The following METRN variants were observed in gnomAD, a reference collection of about 807,000 sequenced individuals.
METRN encodes meteorin.
METRN carries 17 observed loss-of-function variants against 17.4 expected under a neutral mutation model. That is an observed-to-expected ratio of 0.98 (90% CI 0.67 to 1.46). METRN has a LOEUF of 1.46. Among genes scored for constraint, METRN ranks in the 40% most tolerant of loss-of-function variants. The pLI, the probability that METRN is intolerant of heterozygous loss-of-function variation, is 0.00. For synonymous variants in METRN, 230 were observed against 210.8 expected (o/e 1.09, Z -0.79); for missense variants, 489 against 456.2 (o/e 1.07, Z -0.65).
Position 716,952 on chromosome 16 carries a change from C to G in METRN, c.525C>G (p.Ser175Arg), listed in dbSNP as rs112288908. Residue 175 changes from serine (S) to arginine (R), a missense_variant, in exon 3 of 4, where the codon AGC (serine) becomes AGG (arginine). Physicochemically the swap from Ser to Arg is moderately radical, Grantham distance 110. Coordinates refer to ENST00000568223, the MANE Select transcript of METRN (RefSeq NM_024042.4). ...TGCCAGGTGCCTGCAGGCCCTGCAG[C>G]GACGCTGAGCTGCTCCTGGCCGCAT... ...LGVDGACRPCSDAELLLAACT... is the reference protein window; with the variant it reads ...LGVDGACRPCRDAELLLAACT... The G allele has an allele frequency of 1.9e-6, 3 of 1,574,266 alleles. No homozygotes were observed. Among genetic ancestry groups the G allele is most frequent in the Non-Finnish European group, 1.7e-6 (2 of 1,158,080 alleles).
chr16:717,099 C>A lies in METRN; in HGVS notation c.594C>A (p.Thr198=). 1.2e-6 allele frequency: 2 copies of A among 1,606,732 alleles called. No homozygotes were observed. Among genetic ancestry groups the A allele is most frequent in the South Asian group, 2.2e-5 (2 of 90,494 alleles). The change falls in exon 4 of 4, where the codon ACC becomes ACA. Residue 198 remains threonine (T), a synonymous_variant. Transcript: ENST00000568223. The part of the protein sequence containing the change: ...FVIHGIIHGV[T]HDVELQESVI... The stretch of plus-strand genomic sequence containing the variant: ...TTCACGGGATCATCCATGGGGTCAC[C>A]CATGACGTGGAGCTGCAGGAGTCTG...
rs1213299459 is a variant in METRN, at chr16:715,133, C to T, written c.-157C>T. 1 of 162,444 alleles carries T rather than the reference C, an allele frequency of 6.2e-6. No individual in the cohort carries two copies. The highest frequency in any genetic ancestry group is 2.4e-5 in the African/African-American group (1 of 41,272). 10.1% of individuals were successfully genotyped at this position (162,444 alleles called of 1,614,324 possible). On this transcript the variant is annotated 5_prime_UTR_variant, in exon 1 of 4. Coordinates refer to ENST00000568223, the MANE Select transcript of METRN (RefSeq NM_024042.4). Reference sequence around the variant, plus strand: ...GACCCGCTCCAAGGCGGCCCCGGCGCTGGGGCTGCGCGGCAGGCGGAGCGG... The same window carrying T: ...GACCCGCTCCAAGGCGGCCCCGGCGTTGGGGCTGCGCGGCAGGCGGAGCGG...
intron 2 of METRN, chr16:716,198 G>A (rs1596582538): frequency 2.0e-6 from 2 of 985,482 alleles, no homozygotes; most frequent in Non-Finnish European, 2.4e-6. Context: ...GCTGGCAGGG[G>A]CAGAGTGGAG....
Position 717,419 on chromosome 16 carries a change from G to T in METRN, c.*32G>T. 1.5e-6 allele frequency: 2 copies of T among 1,375,400 alleles called. No individual in the cohort carries two copies. Among genetic ancestry groups the T allele is most frequent in the South Asian group, 3.3e-5 (2 of 60,656 alleles). The allele number at this position is 1,375,400 out of a possible 1,614,324, so 85.2% of individuals were successfully genotyped here. On this transcript the variant is annotated 3_prime_UTR_variant, in exon 4 of 4. Coordinates refer to ENST00000568223, the MANE Select transcript of METRN (RefSeq NM_024042.4). ...GGGTGCTGGGGAGGGGCTGGTAGGA[G>T]GGAGGGTGGGCCCACTGCTTTGGAG... is the stretch of plus-strand genomic sequence containing the variant.
chr16:716,250 C>T (rs1261377112), intron 2 of METRN: 1 of 985,348 alleles, frequency 1.0e-6, no homozygotes, highest in Non-Finnish European at 1.2e-6. Context: ...CCTCTGGTCC[C>T]TGAACGGTTG....
chr16:717,707 C>T lies in METRN; in HGVS notation c.*320C>T, dbSNP rs1432193684. 6.4e-6 allele frequency: 2 copies of T among 311,966 alleles called. No homozygotes were observed. The highest frequency in any genetic ancestry group is 1.2e-5 in the Non-Finnish European group (2 of 170,668). 19.3% of individuals were successfully genotyped at this position (311,966 alleles called of 1,614,324 possible). A position where few individuals can be genotyped will look rare whatever the true frequency, so the allele number is the denominator to read the frequency against. On this transcript the variant is annotated 3_prime_UTR_variant, in exon 4 of 4. Coordinates refer to ENST00000568223, the MANE Select transcript of METRN (RefSeq NM_024042.4). The stretch of plus-strand genomic sequence containing the variant: ...TGGGGGGCACGTGGGGACCTGCACT[C>T]ATGCAAGCTTCTGCTCTGCTGCACC...
Position 716,188 on chromosome 16 carries a change from G to C in METRN, c.505+204G>C, listed in dbSNP as rs752022808. 2.8e-4 allele frequency: 274 copies of C among 985,476 alleles called. No individual in the cohort carries two copies. The Middle Eastern group carries it at 9.4e-3, about 34-fold the overall frequency. The allele number at this position is 985,476 out of a possible 1,614,324, so 61.0% of individuals were successfully genotyped here. A position where few individuals can be genotyped will look rare whatever the true frequency, so the allele number is the denominator to read the frequency against. ...CCTTCCCGATTCATCTCTGGAAAGA[G>C]CTGGCAGGGGCAGAGTGGAGGGAAG... On this transcript the variant is annotated intron_variant, in intron 2 of 3. Coordinates refer to ENST00000568223, the MANE Select transcript of METRN (RefSeq NM_024042.4).
chr16:716,908 C>T, intron 2 of METRN, 25 bp from the exon 3 acceptor site: 7 of 1,538,622 alleles, frequency 4.5e-6, no homozygotes, highest in Non-Finnish European at 6.1e-6. Context: ...CAGGGCCTCT[C>T]CTCACCACCC....
chr16:718,511 G>A lies in METRN; in HGVS notation c.*1124G>A, dbSNP rs1202508569. ...CTGAGGCTGTGTGAGGGACACAGCT[G>A]TGCAGGGCCCACAAACACGGTCCTT... On this transcript the variant is annotated 3_prime_UTR_variant, in exon 4 of 4. Transcript: ENST00000568223. 2.0e-5 allele frequency: 3 copies of A among 152,462 alleles called. No individual in the cohort carries two copies. The South Asian group carries it at 6.2e-4, about 32-fold the overall frequency. 9.4% of individuals were successfully genotyped at this position (152,462 alleles called of 1,614,324 possible).
Position 715,411 on chromosome 16 carries a change from G to T in METRN, c.104+18G>T, listed in dbSNP as rs892868423. ...AGGGGCAGGTACGGTCCGGGGGGCT[G>T]TCCCCGCACTTAGGACGGGGTGCGC... On this transcript the variant is annotated intron_variant, in intron 1 of 3. Transcript: ENST00000568223. The T allele has an allele frequency of 8.6e-6, 11 of 1,284,616 alleles. No homozygotes were observed. In the African/African-American group the frequency reaches 1.7e-4, roughly 20 times the overall value. The allele number at this position is 1,284,616 out of a possible 1,614,324, so 79.6% of individuals were successfully genotyped here. A position where few individuals can be genotyped will look rare whatever the true frequency, so the allele number is the denominator to read the frequency against.
At position 715,902 on chromosome 16, in the gene METRN, C is replaced by T; in HGVS notation, c.423C>T (p.Arg141=). The T allele has an allele frequency of 6.8e-7, 1 of 1,471,424 alleles. No individual in the cohort carries two copies. Among genetic ancestry groups the T allele is most frequent in the Non-Finnish European group, 8.9e-7 (1 of 1,117,790 alleles). The allele number at this position is 1,471,424 out of a possible 1,614,324, so 91.1% of individuals were successfully genotyped here. A position where few individuals can be genotyped will look rare whatever the true frequency, so the allele number is the denominator to read the frequency against. The change falls in exon 2 of 4, where the codon CGC becomes CGT. Residue 141 remains arginine (R), a synonymous_variant. Coordinates refer to ENST00000568223, the MANE Select transcript of METRN (RefSeq NM_024042.4). ...LQATPHQDIS[R]RVAAFRFELR... ...CCACGCCGCACCAGGACATCAGCCG[C>T]CGCGTGGCCGCCTTCCGCTTTGAGC... is the stretch of plus-strand genomic sequence containing the variant.
intron 2 of METRN, chr16:716,509 C>A: frequency 6.6e-7 from 1 of 1,506,284 alleles, no homozygotes; most frequent in Non-Finnish European, 8.9e-7. Flanking sequence ...TGGCCCTGGG[C>A]CAGGGACCCC....
In METRN at chr16:715,610, T is replaced by C; in HGVS notation, c.131T>C (p.Val44Ala). 2.1e-6 allele frequency: 3 copies of C among 1,402,994 alleles called. No individual in the cohort carries two copies. The highest frequency in any genetic ancestry group is 3.1e-5 in the Admixed American group (1 of 32,118). 86.9% of individuals were successfully genotyped at this position (1,402,994 alleles called of 1,614,324 possible). A position where few individuals can be genotyped will look rare whatever the true frequency, so the allele number is the denominator to read the frequency against. The change falls in exon 2 of 4, where the codon GTG becomes GCG. Residue 44 changes from valine to alanine, a missense_variant. By Grantham distance (64) the Val-to-Ala change is moderately conservative. Transcript: ENST00000568223. ...GSGLTQEPGSVGQLALACAEG... is the reference protein window; with the variant it reads ...GSGLTQEPGSAGQLALACAEG... The stretch of plus-strand genomic sequence containing the variant: ...GGCCTCACCCAGGAGCCCGGCAGCG[T>C]GGGGCAGCTGGCCCTGGCCTGTGCG...
chr16:717,297 G>C lies in METRN; in HGVS notation c.792G>C (p.Leu264=). The C allele has an allele frequency of 6.5e-7, 1 of 1,530,232 alleles. No individual in the cohort carries two copies. The highest frequency in any genetic ancestry group is 2.4e-5 in the East Asian group (1 of 41,282). The allele number at this position is 1,530,232 out of a possible 1,614,324, so 94.8% of individuals were successfully genotyped here. The change falls in exon 4 of 4, where the codon CTG becomes CTC. Residue 264 remains leucine, a synonymous_variant. Coordinates refer to ENST00000568223, the MANE Select transcript of METRN (RefSeq NM_024042.4). ...MGWSRFGEAR[L]GCAPRFQEFR... ...GGAGCCGCTTTGGGGAGGCCCGGCTGGGCTGTGCCCCACGATTCCAGGAGT... is the reference window on the plus strand; with the variant it reads ...GGAGCCGCTTTGGGGAGGCCCGGCTCGGCTGTGCCCCACGATTCCAGGAGT...
chr16:717,017 G>T, intron 3 of METRN, 25 bp downstream of exon 3: 2 of 1,611,014 alleles, frequency 1.2e-6, no homozygotes, highest in South Asian at 1.1e-5. Context: ...CATGGGGGGA[G>T]CCTGGAGCCT....
In METRN at chr16:715,644, G is replaced by T. The variant is rs776677760; in HGVS notation, c.165G>T (p.Ala55=). 1.8e-5 allele frequency: 26 copies of T among 1,437,172 alleles called. No homozygotes were observed. Among genetic ancestry groups the T allele is most frequent in the Non-Finnish European group, 2.3e-5 (25 of 1,100,908 alleles). The allele number at this position is 1,437,172 out of a possible 1,614,324, so 89.0% of individuals were successfully genotyped here. The stretch of plus-strand genomic sequence containing the variant: ...TGGCCCTGGCCTGTGCGGAGGGCGC[G>T]GTTGAGTGGCTGTACCCGGCTGGGG... ...GQLALACAEG[A]VEWLYPAGAL... The change falls in exon 2 of 4, where the codon GCG becomes GCT. Residue 55 remains alanine (A), a synonymous_variant. Coordinates refer to ENST00000568223, the MANE Select transcript of METRN (RefSeq NM_024042.4).
chr16:716,282 G>A, intron 2 of METRN: 3 of 1,379,278 alleles, frequency 2.2e-6, no homozygotes, highest in Middle Eastern at 2.7e-4. Context: ...GGTGGGGACA[G>A]AATCGAAGCC....
At chr16:716,468 G>A (rs2040162881) in intron 2 of METRN, 62 of 1,446,840 alleles carry the variant, frequency 4.3e-5, no homozygotes, top group South Asian at 2.5e-4. Context: ...GCCTGACCCT[G>A]AAAGGGATGG....
Position 715,206 on chromosome 16 carries a change from C to T in METRN, c.-84C>T. On this transcript the variant is annotated 5_prime_UTR_variant, in exon 1 of 4. Transcript: ENST00000568223. ...GGGGCCGGGCGGCCGGCGCCCCCGGCTGCTCCCGCCGCCGCCCGGACCCGC... is the reference window on the plus strand; with the variant it reads ...GGGGCCGGGCGGCCGGCGCCCCCGGTTGCTCCCGCCGCCGCCCGGACCCGC... 1.6e-6 allele frequency: 1 copy of T among 619,926 alleles called. No individual in the cohort carries two copies. The highest frequency in any genetic ancestry group is 2.0e-6 in the Non-Finnish European group (1 of 495,950). The allele number at this position is 619,926 out of a possible 1,614,324, so 38.4% of individuals were successfully genotyped here.
Sources: allele counts gnomAD v4.1 joint callset, GRCh38; gene constraint gnomAD v4.1.1; transcripts MANE v1.5; gene names NCBI Gene and HGNC (gene_info 2026-07-23, HGNC 2026-07-21).